The following AIG1 variants were observed in gnomAD, a reference collection of about 807,000 sequenced individuals.
AIG1 encodes androgen induced 1, also known as androgen-induced gene 1 protein.
In AIG1, 23 loss-of-function variants were observed where a neutral mutation model predicts 31.4. The observed-to-expected ratio is 0.73, with a 90% confidence interval of 0.53 to 1.04. The LOEUF (loss-of-function observed/expected upper bound fraction) is 1.04, where lower values mean the gene tolerates loss of function less well. Among genes scored for constraint, AIG1 ranks in the 50% least tolerant of loss-of-function variants. AIG1 has a pLI of 0.00. For synonymous variants in AIG1, 100 were observed against 110.5 expected, an observed-to-expected ratio of 0.90 and a Z score of 0.60; for missense variants, 274 against 295.0, an observed-to-expected ratio of 0.93 and a Z score of 0.52.
chr6:143,315,117 A>T (rs1169483379), intron 4 of AIG1, among the ~76,000 whole-genome samples: 1 of 152,144 alleles, frequency 6.6e-6, no homozygotes, highest in Non-Finnish European at 1.5e-5. Context: ...CTATAAATAG[A>T]ATGATGTCTT....
rs79848212 is a variant in AIG1 at position 143,130,220 on chromosome 6, C to T, written c.142-6615C>T. On this transcript the variant is annotated intron_variant, in intron 1 of 5. Transcript: ENST00000357847. Reference sequence around the variant, plus strand: ...CTGGGATTATAGGTGTGAGCCACCGCGCCCTGCTGATAGATACTTTAAAAA... The same window carrying T: ...CTGGGATTATAGGTGTGAGCCACCGTGCCCTGCTGATAGATACTTTAAAAA... Among the ~76,000 whole-genome samples the T allele has an allele frequency of 2.8e-3, 428 of 151,962 alleles. 5 individuals are homozygous for T. The highest frequency in any genetic ancestry group is 0.016 in the East Asian group (80 of 5,156).
Position 143,280,232 on chromosome 6 carries a change from C to A in AIG1, c.400-3878C>A, listed in dbSNP as rs1003023704. Among the ~76,000 whole-genome samples the A allele has an allele frequency of 2.6e-5, 4 of 152,180 alleles. No homozygotes were observed. Among genetic ancestry groups the A allele is most frequent in the Admixed American group, 6.5e-5 (1 of 15,278 alleles). On this transcript the variant is annotated intron_variant, in intron 3 of 5. Coordinates refer to ENST00000357847, the MANE Select transcript of AIG1 (RefSeq NM_016108.4). This position sits in a 1 kb window ranked among gnomAD's most constrained non-coding sequence, Gnocchi z 4.1. The stretch of plus-strand genomic sequence containing the variant: ...TCTGACTTTCAAAAAGTAACAGATG[C>A]TGGTGAGGTTGCGAAGAAAAGGGAA...
At chr6:143,310,379 A>G (rs550725297) in intron 4 of AIG1, among the ~76,000 whole-genome samples, 4 of 152,090 alleles carry the variant, frequency 2.6e-5, no homozygotes, top group Admixed American at 2.0e-4. Flanking sequence ...ATTAAATAGC[A>G]CACTAATAAA....
At chr6:143,177,362 C>T (rs1788269445) in intron 3 of AIG1, among the ~76,000 whole-genome samples, 2 of 152,164 alleles carry the variant, frequency 1.3e-5, no homozygotes, top group Non-Finnish European at 2.9e-5. Flanking sequence ...CGTTTCCTTA[C>T]TTTTCCATAT....
intron 3 of AIG1, among the ~76,000 whole-genome samples, chr6:143,274,317 T>G (rs1796743226): frequency 6.6e-6 from 1 of 152,200 alleles, no homozygotes; most frequent in African/African-American, 2.4e-5. Context: ...TGGATAAACT[T>G]GTGCAACTTT....
chr6:143,288,212 C>G lies in AIG1; in HGVS notation c.515+3987C>G, dbSNP rs998803829. Among the ~76,000 whole-genome samples, 3 of 152,168 alleles carry G rather than the reference C, an allele frequency of 2.0e-5. No individual in the cohort carries two copies. The highest frequency in any genetic ancestry group is 4.4e-5 in the Non-Finnish European group (3 of 68,030). On this transcript the variant is annotated intron_variant, in intron 4 of 5. Coordinates refer to ENST00000357847, the MANE Select transcript of AIG1 (RefSeq NM_016108.4). The surrounding 1 kb of genome is among the most constrained non-coding windows in gnomAD (Gnocchi z 4.4). The stretch of plus-strand genomic sequence containing the variant: ...TCTCATTGCTCTGCCTTTCAGTCTG[C>G]AAGATACAGAAAGAGGAAACCAACT...
rs376721680 is a variant in AIG1 at position 143,211,879 on chromosome 6, C to T, written c.399+46696C>T. ...CTGCACTCCTGTGTGGGCAACAGAG[C>T]GAGACCCTGTCTCAAAAAAAAAAAA... On this transcript the variant is annotated intron_variant, in intron 3 of 5. Transcript: ENST00000357847. Among the ~76,000 whole-genome samples the T allele has an allele frequency of 2.7e-5, 4 of 150,824 alleles. 1 individual carries two copies. Among genetic ancestry groups the T allele is most frequent in the African/African-American group, 9.8e-5 (4 of 41,006 alleles).
intron 1 of AIG1, among the ~76,000 whole-genome samples, chr6:143,069,672 T>C (rs1390064757): frequency 1.3e-5 from 2 of 152,200 alleles, no homozygotes; most frequent in East Asian, 3.8e-4. Flanking sequence ...TTATTATTAT[T>C]AAGCTTTGAG....
Position 143,150,693 on chromosome 6 carries a change from A to G in AIG1, c.297+13703A>G, listed in dbSNP as rs1214770428. On this transcript the variant is annotated intron_variant, in intron 2 of 5. Transcript: ENST00000357847. ...TTGTGCTTGAAGAGTCTCAAGCAAA[A>G]AAAGGGTAGTAAGAGAGGAGAAAGA... 2.0e-5 allele frequency among the ~76,000 whole-genome samples: 3 copies of G among 152,146 alleles called. No individual in the cohort carries two copies. The East Asian group carries it at 5.8e-4, about 29-fold the overall frequency.
In AIG1 at chr6:143,222,640, T is replaced by G. The variant is rs146519526; in HGVS notation, c.399+57457T>G. Among the ~76,000 whole-genome samples, 3 of 152,296 alleles carry G rather than the reference T, an allele frequency of 2.0e-5. No homozygotes were observed. The East Asian group carries it at 5.8e-4, about 29-fold the overall frequency. On this transcript the variant is annotated intron_variant, in intron 3 of 5. Transcript: ENST00000357847. ...AAAAACTCTCTGCTACCAATTTCTT[T>G]ATAGAAGGACAATACTCATATGAAA...
intron 3 of AIG1, among the ~76,000 whole-genome samples, chr6:143,207,839 A>G (rs1791246026): frequency 6.6e-6 from 1 of 152,228 alleles, no homozygotes; most frequent in South Asian, 2.1e-4. Context: ...CAAGCATAAA[A>G]CATAACATTG....
intron 4 of AIG1, among the ~76,000 whole-genome samples, chr6:143,301,613 A>T (rs1339385985): frequency 2.6e-5 from 4 of 152,230 alleles, no homozygotes; most frequent in Non-Finnish European, 5.9e-5. Context: ...TGGCGGCAGC[A>T]AGAAGTACAG....
rs377514394 is a variant in AIG1 at position 143,229,430 on chromosome 6, A to G, written c.400-54680A>G. On this transcript the variant is annotated intron_variant, in intron 3 of 5. Transcript: ENST00000357847. Reference sequence around the variant, plus strand: ...TCCCTTCTAGCCTCTCTGGAGTTCTATCACAAACAGATAGGTGCAGCTTGT... The same window carrying G: ...TCCCTTCTAGCCTCTCTGGAGTTCTGTCACAAACAGATAGGTGCAGCTTGT... 2.0e-5 allele frequency among the ~76,000 whole-genome samples: 3 copies of G among 152,354 alleles called. No homozygotes were observed. The East Asian group carries it at 5.8e-4, about 29-fold the overall frequency.
chr6:143,282,175 C>T (rs1797381857), intron 3 of AIG1, among the ~76,000 whole-genome samples: 1 of 152,094 alleles, frequency 6.6e-6, no homozygotes, highest in Non-Finnish European at 1.5e-5. Context: ...GGATTTTCTA[C>T]TTCATTTGGA....
intron 3 of AIG1, among the ~76,000 whole-genome samples, chr6:143,240,718 T>C (rs1156577961): frequency 6.6e-6 from 1 of 152,152 alleles, no homozygotes; most frequent in Non-Finnish European, 1.5e-5. Context: ...TAATAAAAAA[T>C]TACTAGAAAA....
At chr6:143,207,072 T>C (rs985193764) in intron 3 of AIG1, among the ~76,000 whole-genome samples, 4 of 152,002 alleles carry the variant, frequency 2.6e-5, no homozygotes, top group African/African-American at 9.7e-5. Context: ...TCTATAAGAG[T>C]GGTACATGGA....
chr6:143,116,581 C>T (rs1781757156), intron 1 of AIG1, among the ~76,000 whole-genome samples: 1 of 151,028 alleles, frequency 6.6e-6, no homozygotes, highest in South Asian at 2.1e-4. Context: ...GGAGAGGTGG[C>T]ATGTTTACAG....
chr6:143,156,729 A>G (rs1785801711), intron 2 of AIG1, among the ~76,000 whole-genome samples: 1 of 152,216 alleles, frequency 6.6e-6, no homozygotes, highest in Non-Finnish European at 1.5e-5. Context: ...AAGCTCACCC[A>G]TATTGCAGTT....
rs541524693 is a variant in AIG1, at chr6:143,072,844, A to G, written c.141+11778A>G. Among the ~76,000 whole-genome samples the G allele has an allele frequency of 5.3e-5, 8 of 152,322 alleles. No homozygotes were observed. In the East Asian group the frequency reaches 1.5e-3, roughly 29 times the overall value. On this transcript the variant is annotated intron_variant, in intron 1 of 5. Coordinates refer to ENST00000357847, the MANE Select transcript of AIG1 (RefSeq NM_016108.4). ...ATTGAGGCAAATTAGCATATCCATT[A>G]TTTCACAGATTTGCCCATTTTTTGA...
Sources: gnomAD v4.1 joint callset for allele counts (sites outside exome capture counted in the v4.1 genomes callset) on GRCh38, gnomAD v4.1.1 for gene constraint, Gnocchi (gnomAD v3.1) non-coding constraint, MANE v1.5 for transcripts, NCBI Gene and HGNC (gene_info 2026-07-23, HGNC 2026-07-21) for gene names.